The following EFR3B variants were observed in gnomAD, a reference collection of about 807,000 sequenced individuals.
EFR3B encodes EFR3 homolog B.
A neutral mutation model predicts 104.7 loss-of-function variants in EFR3B; 64 were observed. That is an observed-to-expected ratio of 0.61 (90% CI 0.50 to 0.75). EFR3B has a LOEUF of 0.75. EFR3B is among the 30% of genes least tolerant of loss of function. EFR3B has a pLI of 0.00. For missense variants in EFR3B, 750 were observed against 1,078.5 expected, an observed-to-expected ratio of 0.70 and a Z score of 4.27; for synonymous variants, 385 against 417.9, an observed-to-expected ratio of 0.92 and a Z score of 0.96.
intron 3 of EFR3B, among the ~76,000 whole-genome samples, chr2:25,101,969 G>A (rs1182225207): frequency 1.3e-5 from 2 of 152,204 alleles, no homozygotes; most frequent in Non-Finnish European, 2.9e-5. Context: ...GTAAGTGAAG[G>A]ATGTATGTTT....
Position 25,131,778 on chromosome 2 carries a change from G to A in EFR3B, c.1014G>A (p.Thr338=), listed in dbSNP as rs181429760. ...CCACAGTACTGGAGATGTTCAACAC[G>A]CTGCTGAGGCAGCTGCGGCTCAGCA... The part of the protein sequence containing the change: ...VGPTVLEMFN[T]LLRQLRLSID... Residue 338 remains threonine, a synonymous_variant, in exon 10 of 23, where the codon ACG becomes ACA. Transcript: ENST00000403714. This position sits in a 1 kb window ranked among gnomAD's most constrained non-coding sequence, Gnocchi z 7.6. 3 of 1,538,674 alleles carry A rather than the reference G, an allele frequency of 1.9e-6. No homozygotes were observed. Among genetic ancestry groups the A allele is most frequent in the Non-Finnish European group, 2.6e-6 (3 of 1,141,082 alleles).
Position 25,119,826 on chromosome 2 carries a change from GAA to G in EFR3B, c.364-1843_364-1842del, listed in dbSNP as rs1335939800. On this transcript the variant is annotated intron_variant, in intron 4 of 22. Coordinates refer to ENST00000403714, the MANE Select transcript of EFR3B (RefSeq NM_014971.2). ...TGTGGAAGCTGCTAATTTTCATCCAGAAAAAGTTATTAACAACTTTTAAGTTG... is the reference window on the plus strand; with the variant it reads ...TGTGGAAGCTGCTAATTTTCATCCAGAAAGTTATTAACAACTTTTAAGTTG... Among the ~76,000 whole-genome samples, 3 of 152,218 alleles carry G rather than the reference GAA, an allele frequency of 2.0e-5. No individual in the cohort carries two copies. The East Asian group carries it at 5.8e-4, about 29-fold the overall frequency.
Position 25,135,529 on chromosome 2 carries a change from C to T in EFR3B, c.1374C>T (p.Arg458=). Residue 458 remains arginine, a synonymous_variant, in exon 13 of 23, where the codon CGC becomes CGT. Coordinates refer to ENST00000403714, the MANE Select transcript of EFR3B (RefSeq NM_014971.2). ...MSALPSNFLD[R]LLSTALMEDA... ...CCCTGCCTAGCAACTTCCTGGACCG[C>T]CTTCTCTCCACCGCCCTCATGGAGG... The T allele has an allele frequency of 6.4e-7, 1 of 1,551,890 alleles. No homozygotes were observed. The highest frequency in any genetic ancestry group is 8.7e-7 in the Non-Finnish European group (1 of 1,147,028).
intron 1 of EFR3B, among the ~76,000 whole-genome samples, chr2:25,065,916 C>T (rs1408254000): frequency 3.3e-5 from 5 of 152,146 alleles, no homozygotes; most frequent in African/African-American, 4.8e-5. Flanking sequence ...CCTTGGAAAC[C>T]CCTCCCGCAT....
At chr2:25,125,433 T>C (rs1189239552) in intron 5 of EFR3B, among the ~76,000 whole-genome samples, 1 of 152,144 alleles carries the variant, frequency 6.6e-6, no homozygotes, top group East Asian at 1.9e-4. Flanking sequence ...CAGGACAGTA[T>C]TCCTGATCGT....
At chr2:25,091,297 C>T in intron 1 of EFR3B, 28 bp from the exon 2 acceptor site, 1 of 1,547,302 alleles carries the variant, frequency 6.5e-7, no homozygotes, top group Non-Finnish European at 8.7e-7. Context: ...GGAGGCTTTG[C>T]TCACAGTTTT....
chr2:25,119,487 G>T (rs1669956889), intron 4 of EFR3B, among the ~76,000 whole-genome samples: 1 of 152,244 alleles, frequency 6.6e-6, no homozygotes, highest in African/African-American at 2.4e-5. Flanking sequence ...GGCTTATGAA[G>T]GCCAGGCAGC....
At chr2:25,063,882 C>T (rs967087752) in intron 1 of EFR3B, among the ~76,000 whole-genome samples, 2 of 152,314 alleles carry the variant, frequency 1.3e-5, no homozygotes, top group East Asian at 1.9e-4. Context: ...TGCGTTCTCA[C>T]TCCATCTGCT....
In EFR3B at chr2:25,130,188, T is replaced by TG. The variant is rs1670290182; in HGVS notation, c.770+85dup. On this transcript the variant is annotated intron_variant, in intron 7 of 22. Transcript: ENST00000403714. The surrounding 1 kb of genome is among the most constrained non-coding windows in gnomAD (Gnocchi z 4.6). The stretch of plus-strand genomic sequence containing the variant: ...AGGTCCCTGGCATCTCCTGGCTGGC[T>TG]GGGGGGAAGGGGATATTACAGTTGT... 8 of 1,536,702 alleles carry TG rather than the reference T, an allele frequency of 5.2e-6. No individual in the cohort carries two copies. Among genetic ancestry groups the TG allele is most frequent in the African/African-American group, 2.7e-5 (2 of 72,876 alleles).
At chr2:25,141,465 T>TC (rs1170177347) in intron 17 of EFR3B, 32 bp downstream of exon 17, 11 of 1,548,902 alleles carry the variant, frequency 7.1e-6, no homozygotes, top group Non-Finnish European at 9.6e-6. Flanking sequence ...TGGTCAGGGA[T>TC]CCCCAGGGCA....
At position 25,150,039 on chromosome 2, in the gene EFR3B, C is replaced by A. The variant is rs142901554; in HGVS notation, c.2191+297C>A. ...TCAGTTGGCCAGGCATGGTGGCTCA[C>A]GCCTGTAATCCCAGCACTTTGGGAG... On this transcript the variant is annotated intron_variant, in intron 20 of 22. Transcript: ENST00000403714. 9.9e-5 allele frequency among the ~76,000 whole-genome samples: 15 copies of A among 152,274 alleles called. No individual in the cohort carries two copies. The South Asian group carries it at 2.9e-3, about 29-fold the overall frequency.
intron 11 of EFR3B, 72 bp downstream of exon 11, chr2:25,133,086 C>G: frequency 7.2e-7 from 1 of 1,379,862 alleles, no homozygotes; most frequent in Non-Finnish European, 1.0e-6. Flanking sequence ...CCTCCTTTAT[C>G]CCTCTTAATT....
chr2:25,110,153 C>T (rs879257818), intron 4 of EFR3B, among the ~76,000 whole-genome samples: 35 of 152,220 alleles, frequency 2.3e-4, no homozygotes, highest in Middle Eastern at 3.4e-3. Context: ...CTCCTCGTTT[C>T]GTTCCAAGCT....
At chr2:25,069,178 G>A (rs1046569695) in intron 1 of EFR3B, among the ~76,000 whole-genome samples, 8 of 152,160 alleles carry the variant, frequency 5.3e-5, no homozygotes, top group African/African-American at 1.9e-4. Context: ...AAAGTGTTGG[G>A]ATTACAGGCA....
chr2:25,108,728 G>A lies in EFR3B; in HGVS notation c.363+4941G>A, dbSNP rs112516026. ...AAATTTAAAACTTTGTCTGGGCACA[G>A]TGGCTTATTCTTATAATCCCAGCAC... is the stretch of plus-strand genomic sequence containing the variant. On this transcript the variant is annotated intron_variant, in intron 4 of 22. Transcript: ENST00000403714. Among the ~76,000 whole-genome samples, 3,686 of 152,272 alleles carry A rather than the reference G, an allele frequency of 0.024. 250 individuals are homozygous for A. In the East Asian group the frequency reaches 0.27, roughly 11 times the overall value.
chr2:25,108,461 C>T (rs762562787), intron 4 of EFR3B, among the ~76,000 whole-genome samples: 15 of 152,194 alleles, frequency 9.9e-5, no homozygotes, highest in African/African-American at 2.9e-4. Flanking sequence ...TGTATACAAA[C>T]GGTAAAATAT....
At chr2:25,148,865 T>C (rs2149213655) in intron 19 of EFR3B, among the ~76,000 whole-genome samples, 1 of 134,988 alleles carries the variant, frequency 7.4e-6, no homozygotes, top group Non-Finnish European at 1.5e-5. Flanking sequence ...GAGCTTGCAG[T>C]GAGCTGAGAT....
intron 2 of EFR3B, among the ~76,000 whole-genome samples, chr2:25,092,509 G>GCA (rs1198035363): frequency 6.6e-6 from 1 of 150,648 alleles, no homozygotes; most frequent in Admixed American, 6.6e-5. Context: ...CCATACACAT[G>GCA]CACACACATA....
rs1671095977 is a variant in EFR3B, at chr2:25,154,118, G to C, written c.2349-117G>C. On this transcript the variant is annotated intron_variant, in intron 22 of 22. Transcript: ENST00000403714. This position sits in a 1 kb window ranked among gnomAD's most constrained non-coding sequence, Gnocchi z 4.1. Reference sequence around the variant, plus strand: ...ATCCTGGGAACCTGTGGAATGAAGGGGTCTCTGGTGCCTGTGCAAAAAGAA... The same window carrying C: ...ATCCTGGGAACCTGTGGAATGAAGGCGTCTCTGGTGCCTGTGCAAAAAGAA... 1.2e-6 allele frequency: 1 copy of C among 834,430 alleles called. No individual in the cohort carries two copies. Among genetic ancestry groups the C allele is most frequent in the Non-Finnish European group, 1.9e-6 (1 of 528,036 alleles). The allele number at this position is 834,430 out of a possible 1,614,324, so 51.7% of individuals were successfully genotyped here. A position where few individuals can be genotyped will look rare whatever the true frequency, so the allele number is the denominator to read the frequency against.
Sources: allele counts gnomAD v4.1 joint callset (sites outside exome capture counted in the v4.1 genomes callset), GRCh38; gene constraint gnomAD v4.1.1; non-coding constraint Gnocchi (gnomAD v3.1); transcripts MANE v1.5; gene names NCBI Gene and HGNC (gene_info 2026-07-23, HGNC 2026-07-21).